The following MAOB variants were observed in gnomAD, a reference collection of about 807,000 sequenced individuals.
MAOB encodes the protein amine oxidase [flavin-containing] B.
Under a neutral mutation model 41.9 loss-of-function variants are expected in MAOB, and 15 were observed. The observed-to-expected ratio is 0.36, with a 90% CI of 0.24 to 0.55. The LOEUF is 0.55. Among genes scored for constraint, MAOB ranks in the 20% least tolerant of loss-of-function variants. MAOB has a pLI of 0.86. For synonymous variants in MAOB, 167 were observed against 144.2 expected (o/e 1.16, Z -1.13); for missense variants, 345 against 398.7 (o/e 0.87, Z 1.15).
In MAOB at chrX:43,793,557, T is replaced by C. The variant is rs1432887350; in HGVS notation, c.790A>G (p.Ile264Val). The change falls in exon 8 of 15, where the codon ATT (isoleucine) becomes GTT (valine). Residue 264 changes from isoleucine (I) to valine (V), a missense_variant. Coordinates refer to ENST00000378069, the MANE Select transcript of MAOB (RefSeq NM_000898.5). Reference sequence around the variant, plus strand: ...ATCTTCATGCCCAGAGTAGGAGGAATAGCACTAATCACATATTTAGCCTGA... The same window carrying C: ...ATCTTCATGCCCAGAGTAGGAGGAACAGCACTAATCACATATTTAGCCTGA... ...MYEAKYVISA[I>V]PPTLGMKIHF... The C allele has an allele frequency of 1.7e-6, 2 of 1,201,755 alleles. No individual in the cohort carries two copies. Among genetic ancestry groups the C allele is most frequent in the Non-Finnish European group, 1.1e-6 (1 of 890,706 alleles).
At chrX:43,805,108 G>A (rs2034645947) in intron 3 of MAOB, among the ~76,000 whole-genome samples, 1 of 111,278 alleles carries the variant, frequency 9.0e-6, no homozygotes, top group Non-Finnish European at 1.9e-5. Flanking sequence ...CTGTGGAATG[G>A]CTAAATTGAG....
Position 43,782,674 on chromosome X carries a change from C to G in MAOB, c.929-1130G>C, listed in dbSNP as rs1347433087. Reference sequence around the variant, plus strand: ...GCATAATCCTGATACCAAAGCCTGGCAGAGACGCAACAAAAAAAGACAATT... The same window carrying G: ...GCATAATCCTGATACCAAAGCCTGGGAGAGACGCAACAAAAAAAGACAATT... On this transcript the variant is annotated intron_variant, in intron 8 of 14. Transcript: ENST00000378069. Among the ~76,000 whole-genome samples, 4 of 111,507 alleles carry G rather than the reference C, an allele frequency of 3.6e-5. No homozygotes were observed. The East Asian group carries it at 8.4e-4, about 24-fold the overall frequency.
chrX:43,822,837 T>C (rs929411958), intron 3 of MAOB, among the ~76,000 whole-genome samples: 22 of 110,353 alleles, frequency 2.0e-4, no homozygotes, highest in African/African-American at 7.3e-4. Context: ...ATCATCACCA[T>C]CACCATCATC....
At chrX:43,772,787 T>C (rs2034201574) in intron 12 of MAOB, among the ~76,000 whole-genome samples, 1 of 111,267 alleles carries the variant, frequency 9.0e-6, no homozygotes, top group Admixed American at 9.6e-5. Flanking sequence ...GGTGCCTTCT[T>C]CATGATAGTG....
chrX:43,860,850 G>A (rs905631857), intron 1 of MAOB, among the ~76,000 whole-genome samples: 1 of 110,997 alleles, frequency 9.0e-6, no homozygotes, highest in Non-Finnish European at 1.9e-5. Context: ...GAAAATGCAA[G>A]GGTTGTTCCC....
intron 5 of MAOB, among the ~76,000 whole-genome samples, chrX:43,798,705 AT>A (rs2034557686): frequency 9.0e-6 from 1 of 111,719 alleles, no homozygotes; most frequent in Non-Finnish European, 1.9e-5. Flanking sequence ...AAGTTTGCAT[AT>A]TGTTAATCTT....
At chrX:43,856,306 A>C (rs2035287075) in intron 1 of MAOB, among the ~76,000 whole-genome samples, 1 of 111,439 alleles carries the variant, frequency 9.0e-6, no homozygotes, top group South Asian at 3.8e-4. Flanking sequence ...CTGATCTCGA[A>C]CTCCTGACCT....
intron 3 of MAOB, among the ~76,000 whole-genome samples, chrX:43,831,263 C>G (rs1046888166): frequency 9.0e-6 from 1 of 111,508 alleles, no homozygotes; most frequent in South Asian, 3.8e-4. Flanking sequence ...AACACTGGGC[C>G]TAACCTCTTC....
intron 11 of MAOB, among the ~76,000 whole-genome samples, chrX:43,775,485 TC>T (rs1185801833): frequency 8.9e-6 from 1 of 112,139 alleles, no homozygotes; most frequent in Admixed American, 9.5e-5. Context: ...AATGTTTTTT[TC>T]ATTTGGTTTC....
chrX:43,853,204 G>C (rs1279090463), intron 1 of MAOB, among the ~76,000 whole-genome samples: 10 of 96,910 alleles, frequency 1.0e-4, no homozygotes, highest in Non-Finnish European at 1.5e-4. Context: ...GGAGGCGGAG[G>C]TTGCAATGAG....
chrX:43,875,183 T>A (rs2035432028), intron 1 of MAOB, among the ~76,000 whole-genome samples: 1 of 111,550 alleles, frequency 9.0e-6, no homozygotes, highest in Non-Finnish European at 1.9e-5. Context: ...CACCATTTGA[T>A]CAGGTTGTCC....
At chrX:43,796,323 C>T (rs1052383436) in intron 6 of MAOB, among the ~76,000 whole-genome samples, 1 of 111,473 alleles carries the variant, frequency 9.0e-6, no homozygotes, top group African/African-American at 3.3e-5. Flanking sequence ...CCCACCATGT[C>T]CCCTTCCCCC....
rs2034189778 is a variant in MAOB at position 43,771,884 on chromosome X, T to G, written c.1236-2466A>C. Among the ~76,000 whole-genome samples, 3 of 111,816 alleles carry G rather than the reference T, an allele frequency of 2.7e-5. No individual in the cohort carries two copies. In the South Asian group the frequency reaches 1.1e-3, roughly 42 times the overall value. ...AGGTAAGAAAAATACCTGCCCCTTC[T>G]TTTGCAGGTGCGTGAACAGACAGTA... On this transcript the variant is annotated intron_variant, in intron 12 of 14. Transcript: ENST00000378069.
intron 3 of MAOB, among the ~76,000 whole-genome samples, chrX:43,818,990 T>A (rs2034851195): frequency 1.8e-5 from 2 of 111,531 alleles, no homozygotes; most frequent in South Asian, 7.6e-4. Context: ...AAGGAAGTTG[T>A]TTCATGGAAA....
chrX:43,781,221 A>C (rs1224700519), intron 9 of MAOB, among the ~76,000 whole-genome samples: 1 of 111,980 alleles, frequency 8.9e-6, no homozygotes, highest in Non-Finnish European at 1.9e-5. Context: ...AACTAACATA[A>C]AAATTTTAAA....
chrX:43,805,796 GA>G (rs971406143), intron 3 of MAOB, among the ~76,000 whole-genome samples: 3 of 111,610 alleles, frequency 2.7e-5, no homozygotes, highest in African/African-American at 9.8e-5. Context: ...CCTAGTAGTG[GA>G]ATGGCTGAGT....
rs1007521256 is a variant in MAOB at position 43,848,665 on chromosome X, G to C, written c.47-4901C>G. The stretch of plus-strand genomic sequence containing the variant: ...CCTCCTGAGTTCAAGTGATTCTCCT[G>C]CCTCAGCCTCCCCAAGTAGCTGGGA... On this transcript the variant is annotated intron_variant, in intron 1 of 14. Coordinates refer to ENST00000378069, the MANE Select transcript of MAOB (RefSeq NM_000898.5). Among the ~76,000 whole-genome samples, 3 of 112,052 alleles carry C rather than the reference G, an allele frequency of 2.7e-5. No homozygotes were observed. The Admixed American group carries it at 2.8e-4, about 11-fold the overall frequency.
chrX:43,842,797 T>G (rs1432229510), intron 2 of MAOB, among the ~76,000 whole-genome samples: 2 of 111,691 alleles, frequency 1.8e-5, no homozygotes, highest in Non-Finnish European at 3.8e-5. Context: ...GAGGACATTA[T>G]GCTAAGTGAA....
At position 43,767,047 on chromosome X, in the gene MAOB, A is replaced by G. The variant is rs2034120354; in HGVS notation, c.*419T>C. The G allele has an allele frequency of 8.2e-6, 1 of 121,358 alleles. No homozygotes were observed. Among genetic ancestry groups the G allele is most frequent in the Non-Finnish European group, 1.7e-5 (1 of 59,728 alleles). The allele number at this position is 121,358 out of a possible 1,213,427, so 10.0% of individuals were successfully genotyped here. ...TGGTCTTTACTGTCTTTCAGCTGTA[A>G]CAATACAGTATTCTAAGGACGAATG... On this transcript the variant is annotated 3_prime_UTR_variant, in exon 15 of 15. Transcript: ENST00000378069.
Sources: allele counts gnomAD v4.1 joint callset (sites outside exome capture counted in the v4.1 genomes callset), GRCh38; gene constraint gnomAD v4.1.1; transcripts MANE v1.5; gene names NCBI Gene and HGNC (gene_info 2026-07-23, HGNC 2026-07-21).